ASIP: variants seen among roughly 807,000 people sequenced by gnomAD.
The protein encoded by ASIP is agouti-signaling protein.
In ASIP, 11 loss-of-function variants were observed where a neutral mutation model predicts 10.3. That is an observed-to-expected ratio of 1.07 (90% confidence interval 0.68 to 1.78). The LOEUF (loss-of-function observed/expected upper bound fraction) is 1.78. ASIP is among the 40% of genes most tolerant of loss of function. The pLI, the probability that ASIP is intolerant of heterozygous loss-of-function variation, is 0.00. For missense variants in ASIP, 180 were observed against 169.2 expected (o/e 1.06, Z -0.35); for synonymous variants, 70 against 70.8 (o/e 0.99, Z 0.06).
At chr20:34,250,959 A>G (rs1212197404) in intron 1 of ASIP, among the ~76,000 whole-genome samples, 1 of 152,080 alleles carries the variant, frequency 6.6e-6, no homozygotes, top group Non-Finnish European at 1.5e-5. Context: ...GATGATCTCA[A>G]CACTGTTGTC....
chr20:34,225,973 A>G (rs552314097), intron 1 of ASIP, among the ~76,000 whole-genome samples: 20 of 151,252 alleles, frequency 1.3e-4, no homozygotes, highest in African/African-American at 4.1e-4. Context: ...GGCTCACTGC[A>G]GCTTCCACCT....
At chr20:34,225,189 G>A (rs1455822709) in intron 1 of ASIP, among the ~76,000 whole-genome samples, 1 of 150,504 alleles carries the variant, frequency 6.6e-6, no homozygotes, top group African/African-American at 2.4e-5. Flanking sequence ...TTACAGGTGC[G>A]TGCCACCACC....
chr20:34,240,323 T>A (rs965053614), upstream of ASIP, among the ~76,000 whole-genome samples: 3 of 152,144 alleles, frequency 2.0e-5, no homozygotes, highest in Admixed American at 1.3e-4. Context: ...ATGGAGCAGG[T>A]GCTGTGCCCC....
At chr20:34,214,229 A>G in intron 1 of ASIP, 2 of 1,373,018 alleles carry the variant, frequency 1.5e-6, no homozygotes, top group Non-Finnish European at 2.1e-6. Context: ...AAAACAGGTA[A>G]GCCATCTTGC....
intron 1 of ASIP, chr20:34,214,630 T>C: frequency 8.7e-7 from 1 of 1,146,310 alleles, no homozygotes; most frequent in Non-Finnish European, 1.3e-6. Context: ...AGCAAGCCTG[T>C]CCAACACTAA....
intron 1 of ASIP, among the ~76,000 whole-genome samples, chr20:34,220,444 A>C (rs1262900337): frequency 6.6e-6 from 1 of 152,116 alleles, no homozygotes. Context: ...AAAAATACAA[A>C]AATTAGCCGG....
At position 34,260,423 on chromosome 20, in the gene ASIP, T is replaced by C. The variant is rs1475074528; in HGVS notation, c.49T>C (p.Phe17Leu). The C allele has an allele frequency of 6.2e-7, 1 of 1,614,150 alleles. No individual in the cohort carries two copies. Among genetic ancestry groups the C allele is most frequent in the Admixed American group, 1.7e-5 (1 of 60,030 alleles). The change falls in exon 2 of 4, where the codon TTC (phenylalanine) becomes CTC (leucine). Residue 17 changes from phenylalanine (F) to leucine (L), a missense_variant. Phe to Leu is a conservative substitution (Grantham distance 22, BLOSUM62 0). Coordinates refer to ENST00000374954, the MANE Select transcript of ASIP (RefSeq NM_001672.3). ...LLATLLVFLCFFTANSHLPPE... is the reference protein window; with the variant it reads ...LLATLLVFLCLFTANSHLPPE... ...GGCCACCCTGCTGGTCTTCCTCTGC[T>C]TCTTCACTGCCAACAGCCACCTGCC...
upstream of ASIP, among the ~76,000 whole-genome samples, chr20:34,193,868 G>C (rs1171039700): frequency 6.6e-6 from 1 of 152,208 alleles, no homozygotes; most frequent in Non-Finnish European, 1.5e-5. Context: ...TTTATCTCAT[G>C]GCATCCGAGG....
At chr20:34,225,275 A>G (rs1463267901) in intron 1 of ASIP, among the ~76,000 whole-genome samples, 1 of 151,990 alleles carries the variant, frequency 6.6e-6, no homozygotes, top group East Asian at 1.9e-4. Context: ...TCCTGATCCC[A>G]TGATCTGCCT....
chr20:34,223,331 G>C (rs1471592760), intron 1 of ASIP, among the ~76,000 whole-genome samples: 11 of 151,646 alleles, frequency 7.3e-5, no homozygotes, highest in Admixed American at 7.2e-4. Flanking sequence ...CCCCGTCTGG[G>C]AGGTGAGGAG....
intron 1 of ASIP, chr20:34,213,961 A>T: frequency 6.3e-7 from 1 of 1,576,670 alleles, no homozygotes; most frequent in African/African-American, 1.4e-5. Flanking sequence ...TGCCAGCATC[A>T]AATTTTCTAA....
intron 1 of ASIP, among the ~76,000 whole-genome samples, chr20:34,254,030 G>A (rs996923388): frequency 6.6e-6 from 1 of 152,060 alleles, no homozygotes; most frequent in Non-Finnish European, 1.5e-5. Context: ...ACTCATTGCT[G>A]TCAGCATTAT....
chr20:34,236,032 GAGAA>G (rs940677953), intron 1 of ASIP, among the ~76,000 whole-genome samples: 4 of 137,536 alleles, frequency 2.9e-5, no homozygotes, highest in Admixed American at 7.6e-5. Context: ...GAAGAAGAAA[GAGAA>G]AGAAACAGAA....
At chr20:34,200,969 T>TTTCTTTCCTTCCTTCCTTCC (rs1568744348) in intron 1 of ASIP, among the ~76,000 whole-genome samples, 1 of 72,960 alleles carries the variant, frequency 1.4e-5, no homozygotes, top group African/African-American at 8.3e-5. Context: ...TCTTTCTTTC[T>TTTCTTTCCTTCCTTCCTTCC]TTCCTTCCTT....
chr20:34,239,108 T>C (rs1351459382), upstream of ASIP, among the ~76,000 whole-genome samples: 1 of 152,206 alleles, frequency 6.6e-6, no homozygotes, highest in Non-Finnish European at 1.5e-5. Flanking sequence ...AGAAACTTGA[T>C]ATCTTTTCTG....
intron 1 of ASIP, among the ~76,000 whole-genome samples, chr20:34,198,090 C>G (rs989228626): frequency 2.1e-5 from 3 of 145,028 alleles, no homozygotes; most frequent in African/African-American, 7.9e-5. Context: ...CGGAGTCTCA[C>G]TCTGCCACTC....
At chr20:34,255,859 G>A (rs1439808934) in intron 1 of ASIP, among the ~76,000 whole-genome samples, 1 of 152,150 alleles carries the variant, frequency 6.6e-6, no homozygotes, top group Admixed American at 6.5e-5. Flanking sequence ...GCTCGGGAAG[G>A]CACCGGTTAC....
chr20:34,211,758 G>T (rs2034975911), intron 1 of ASIP, among the ~76,000 whole-genome samples: 2 of 152,108 alleles, frequency 1.3e-5, no homozygotes. Context: ...TGAGAAATTA[G>T]CAGTCAGTCT....
chr20:34,220,953 C>CTTCT (rs2035042584), intron 1 of ASIP, among the ~76,000 whole-genome samples: 1 of 109,764 alleles, frequency 9.1e-6, no homozygotes, highest in African/African-American at 3.9e-5. Flanking sequence ...TTCTTTCCTT[C>CTTCT]TTTTTTTTTT....
Sources: allele counts gnomAD v4.1 joint callset (sites outside exome capture counted in the v4.1 genomes callset), GRCh38; gene constraint gnomAD v4.1.1; transcripts MANE v1.5; gene names NCBI Gene and HGNC (gene_info 2026-07-23, HGNC 2026-07-21).